Variants in PINX1 observed in about 807,000 individuals in gnomAD.
PINX1 encodes PIN2/TERF1-interacting telomerase inhibitor 1.
In PINX1, 34 loss-of-function variants were observed where a neutral mutation model predicts 25.4. The ratio of observed to expected loss-of-function variants is 1.34; its 90% CI spans 1.02 to 1.78. PINX1 has a LOEUF of 1.78. Ranked by LOEUF, PINX1 falls within the 40% of genes most tolerant of loss-of-function variation. The pLI, the probability that PINX1 is intolerant of heterozygous loss-of-function variation, is 0.00. For synonymous variants in PINX1, 197 were observed against 147.7 expected (o/e 1.33, Z -2.42); for missense variants, 592 against 404.9 (o/e 1.46, Z -3.97).
chr8:10,824,519 G>C (rs746337304), intron 5 of PINX1, among the ~76,000 whole-genome samples: 3 of 152,096 alleles, frequency 2.0e-5, no homozygotes, highest in Non-Finnish European at 4.4e-5. Flanking sequence ...CAGAACCCTC[G>C]CTGGAAGACA....
At chr8:10,834,861 T>A in intron 1 of PINX1, 86 bp from the exon 2 acceptor site, 1 of 857,472 alleles carries the variant, frequency 1.2e-6, no homozygotes, top group East Asian at 2.6e-5. Context: ...ACTTTGTGTA[T>A]TTTATGTATG....
At chr8:10,776,808 T>TGGAGACGCA (rs1035641820) in intron 6 of PINX1, among the ~76,000 whole-genome samples, 20 of 152,284 alleles carry the variant, frequency 1.3e-4, no homozygotes, top group Admixed American at 1.2e-3. Flanking sequence ...CTGGAGACGC[T>TGGAGACGCA]GGAGACGCAG....
At chr8:10,773,790 C>T (rs1563202248) in intron 6 of PINX1, among the ~76,000 whole-genome samples, 2 of 152,198 alleles carry the variant, frequency 1.3e-5, no homozygotes, top group African/African-American at 4.8e-5. Context: ...GGATCACTGA[C>T]AAGAGTCATC....
chr8:10,767,717 C>G (rs1212693749), intron 6 of PINX1, among the ~76,000 whole-genome samples: 1 of 151,932 alleles, frequency 6.6e-6, no homozygotes, highest in African/African-American at 2.4e-5. Context: ...AGACGGGCAC[C>G]CTCACAGCCA....
At chr8:10,821,044 T>A (rs955318554) in intron 5 of PINX1, among the ~76,000 whole-genome samples, 1 of 152,236 alleles carries the variant, frequency 6.6e-6, no homozygotes, top group South Asian at 2.1e-4. Context: ...CTGTGAGCAG[T>A]AGGCCAAATC....
intron 6 of PINX1, among the ~76,000 whole-genome samples, chr8:10,789,796 A>C (rs1801866205): frequency 1.3e-5 from 2 of 151,750 alleles, no homozygotes; most frequent in Non-Finnish European, 2.9e-5. Flanking sequence ...ACACACACAC[A>C]CCTCCACGTG....
At chr8:10,813,921 A>G (rs1586185095) in intron 6 of PINX1, among the ~76,000 whole-genome samples, 1 of 152,122 alleles carries the variant, frequency 6.6e-6, no homozygotes, top group Non-Finnish European at 1.5e-5. Context: ...GGAAAAAAAA[A>G]AAGAGTAGCA....
At chr8:10,836,567 A>G (rs1386652005) in intron 1 of PINX1, among the ~76,000 whole-genome samples, 2 of 152,170 alleles carry the variant, frequency 1.3e-5, no homozygotes, top group Non-Finnish European at 2.9e-5. Flanking sequence ...CTACTTATAT[A>G]AAACAAACTA....
At chr8:10,827,274 G>T (rs1187999585) in intron 4 of PINX1, among the ~76,000 whole-genome samples, 2 of 152,184 alleles carry the variant, frequency 1.3e-5, no homozygotes, top group African/African-American at 4.8e-5. Context: ...ACGCATGGAG[G>T]AGCAGCAATA....
rs377259487 is a variant in PINX1, at chr8:10,800,300, C to T, written c.471+19893G>A. Reference sequence around the variant, plus strand: ...ACTTAAGAGTCAACCTGTTGCTAAACGACACTGATGCAATCAGATGTTACC... The same window carrying T: ...ACTTAAGAGTCAACCTGTTGCTAAATGACACTGATGCAATCAGATGTTACC... On this transcript the variant is annotated intron_variant, in intron 6 of 6. Transcript: ENST00000314787. 3.7e-3 allele frequency among the ~76,000 whole-genome samples: 567 copies of T among 152,200 alleles called. 4 individuals are homozygous for T. Among genetic ancestry groups the T allele is most frequent in the African/African-American group, 0.012 (498 of 41,506 alleles).
At chr8:10,809,102 T>C (rs13269447) in intron 6 of PINX1, among the ~76,000 whole-genome samples, 33,116 of 152,206 alleles carry the variant, frequency 0.22, 5,419 homozygotes, top group African/African-American at 0.46. Flanking sequence ...TGATGGTTTA[T>C]TTCAGCTAAT....
chr8:10,826,845 G>C (rs568255277), intron 4 of PINX1, among the ~76,000 whole-genome samples: 1 of 152,362 alleles, frequency 6.6e-6, no homozygotes, highest in East Asian at 1.9e-4. Context: ...CAAGGATGAA[G>C]GTACAGTGGG....
intron 6 of PINX1, among the ~76,000 whole-genome samples, chr8:10,801,346 A>G (rs1802258655): frequency 6.6e-6 from 1 of 152,254 alleles, no homozygotes; most frequent in African/African-American, 2.4e-5. Context: ...CAAGAAAATG[A>G]TGACTGCACA....
chr8:10,810,442 T>C (rs777356866), intron 6 of PINX1, among the ~76,000 whole-genome samples: 4 of 152,228 alleles, frequency 2.6e-5, no homozygotes, highest in Non-Finnish European at 4.4e-5. Context: ...TTCTTCTGTG[T>C]GTCTGTGCCT....
chr8:10,782,946 T>C (rs150366078), intron 6 of PINX1, among the ~76,000 whole-genome samples: 1 of 152,218 alleles, frequency 6.6e-6, no homozygotes, highest in Non-Finnish European at 1.5e-5. Flanking sequence ...ATTTATTCTG[T>C]CTTTCCTATA....
chr8:10,780,349 G>A (rs898031538), intron 6 of PINX1, among the ~76,000 whole-genome samples: 8 of 152,074 alleles, frequency 5.3e-5, no homozygotes, highest in African/African-American at 1.9e-4. Flanking sequence ...ACTAACTATG[G>A]GTTTTTCATA....
intron 4 of PINX1, among the ~76,000 whole-genome samples, chr8:10,828,406 G>C (rs963830032): frequency 5.9e-5 from 9 of 152,130 alleles, no homozygotes; most frequent in Admixed American, 2.6e-4. Context: ...TGAATTCTTG[G>C]ATTTCCTTCC....
rs374263547 is a variant in PINX1, at chr8:10,839,835, C to G, written c.-79G>C. On this transcript the variant is annotated 5_prime_UTR_variant, in exon 1 of 7. Coordinates refer to ENST00000314787, the MANE Select transcript of PINX1 (RefSeq NM_017884.6). ...GGCGGGCTGGAGACTCCAGGAGAAT[C>G]AGGACGTGCGTAACTCCCTCGCCGG... 73 of 1,408,628 alleles carry G rather than the reference C, an allele frequency of 5.2e-5. No individual in the cohort carries two copies. The highest frequency in any genetic ancestry group is 6.7e-5 in the Non-Finnish European group (68 of 1,021,240). 87.3% of individuals were successfully genotyped at this position (1,408,628 alleles called of 1,614,324 possible).
chr8:10,787,255 T>C (rs1452407439), intron 6 of PINX1, among the ~76,000 whole-genome samples: 2 of 151,806 alleles, frequency 1.3e-5, no homozygotes, highest in African/African-American at 4.8e-5. Context: ...AGAGACAGAG[T>C]CTTGCTTTAT....
Sources: allele counts gnomAD v4.1 joint callset (sites outside exome capture counted in the v4.1 genomes callset), GRCh38; gene constraint gnomAD v4.1.1; transcripts MANE v1.5; gene names NCBI Gene and HGNC (gene_info 2026-07-23, HGNC 2026-07-21).